The following LRCH1 variants were observed in gnomAD, a reference collection of about 807,000 sequenced individuals.
LRCH1 encodes leucine-rich repeat and calponin homology domain-containing protein 1.
LRCH1 carries 23 observed loss-of-function variants against 94.9 expected under a neutral mutation model. That is an observed-to-expected ratio of 0.24 (90% confidence interval 0.17 to 0.34). The LOEUF is 0.34. Among genes scored for constraint, LRCH1 ranks in the 10% least tolerant of loss-of-function variants. The pLI is 1.00. For missense variants in LRCH1, 790 were observed against 945.9 expected (o/e 0.84, Z 2.16); for synonymous variants, 364 against 354.9 (o/e 1.03, Z -0.29).
chr13:46,633,879 A>ATT (rs796924628), intron 1 of LRCH1, among the ~76,000 whole-genome samples: 26 of 122,650 alleles, frequency 2.1e-4, no homozygotes, highest in East Asian at 4.6e-4. Flanking sequence ...CTTTTCCTGC[A>ATT]TTTTTTTTTT....
At chr13:46,674,940 G>T (rs1390699256) in intron 3 of LRCH1, among the ~76,000 whole-genome samples, 2 of 152,120 alleles carry the variant, frequency 1.3e-5, no homozygotes, top group East Asian at 3.9e-4. Context: ...TCTCCTTGGA[G>T]TTCCCTGGTT....
At chr13:46,561,504 G>A (rs568458164) in intron 1 of LRCH1, among the ~76,000 whole-genome samples, 1 of 152,150 alleles carries the variant, frequency 6.6e-6, no homozygotes, top group Non-Finnish European at 1.5e-5. Flanking sequence ...TTTGACAGCT[G>A]ACCCCTGCAG....
chr13:46,736,118 C>CTGTGTGTGTGTGTGTG (rs3138585), intron 19 of LRCH1, among the ~76,000 whole-genome samples: 53 of 142,294 alleles, frequency 3.7e-4, no homozygotes, highest in African/African-American at 8.4e-4. Context: ...CAAATTTGCT[C>CTGTGTGTGTGTGTGTG]TGTGTGTGTG....
chr13:46,578,088 C>G (rs1308848143), intron 1 of LRCH1, among the ~76,000 whole-genome samples: 1 of 152,228 alleles, frequency 6.6e-6, no homozygotes, highest in African/African-American at 2.4e-5. Flanking sequence ...GTGGCACCTC[C>G]TCCCCCATCT....
chr13:46,669,236 G>A lies in LRCH1; in HGVS notation c.579+80G>A. The A allele has an allele frequency of 1.9e-6, 3 of 1,540,904 alleles. No individual in the cohort carries two copies. In the South Asian group the frequency reaches 3.6e-5, roughly 18 times the overall value. ...CTCAAGGTATTCAGAAAACCTTTTTGCTACGGTTGGACAAGGTAGAGCCTC... is the reference window on the plus strand; with the variant it reads ...CTCAAGGTATTCAGAAAACCTTTTTACTACGGTTGGACAAGGTAGAGCCTC... On this transcript the variant is annotated intron_variant, in intron 3 of 19. Coordinates refer to ENST00000389797, the MANE Select transcript of LRCH1 (RefSeq NM_001164211.2).
intron 1 of LRCH1, among the ~76,000 whole-genome samples, chr13:46,612,335 G>A (rs1594285234): frequency 6.6e-6 from 1 of 152,146 alleles, no homozygotes; most frequent in Non-Finnish European, 1.5e-5. Context: ...TATATATTTT[G>A]TATACACGGT....
intron 1 of LRCH1, among the ~76,000 whole-genome samples, chr13:46,612,631 A>G (rs2050760200): frequency 6.6e-6 from 1 of 152,040 alleles, no homozygotes; most frequent in South Asian, 2.1e-4. Flanking sequence ...TCTTCTTTGT[A>G]TTTTCTGGGG....
chr13:46,748,830 C>T (rs1295278668), downstream of LRCH1, among the ~76,000 whole-genome samples: 1 of 152,160 alleles, frequency 6.6e-6, no homozygotes, highest in Non-Finnish European at 1.5e-5. Flanking sequence ...TGACAGGGGG[C>T]CATCTCTTAA....
At chr13:46,585,038 T>G (rs1594263152) in intron 1 of LRCH1, among the ~76,000 whole-genome samples, 2 of 152,148 alleles carry the variant, frequency 1.3e-5, no homozygotes, top group East Asian at 3.8e-4. Context: ...AAAGGGAAAT[T>G]TATGGGGGTA....
chr13:46,669,978 T>C (rs1012340495), intron 3 of LRCH1, among the ~76,000 whole-genome samples: 1 of 152,202 alleles, frequency 6.6e-6, no homozygotes, highest in Non-Finnish European at 1.5e-5. Flanking sequence ...AGAACAATGA[T>C]GGCCAATAAG....
chr13:46,613,761 G>A (rs2050773659), intron 1 of LRCH1, among the ~76,000 whole-genome samples: 2 of 152,190 alleles, frequency 1.3e-5, no homozygotes, highest in Admixed American at 6.5e-5. Context: ...TACAACATAA[G>A]CAGGGTGACC....
At chr13:46,651,772 C>G in intron 2 of LRCH1, among the ~76,000 whole-genome samples, 1 of 149,844 alleles carries the variant, frequency 6.7e-6, no homozygotes, top group East Asian at 2.0e-4. Context: ...GCCATCTCAG[C>G]TCACTGCAAG....
chr13:46,716,434 T>C (rs1365425659), intron 16 of LRCH1, among the ~76,000 whole-genome samples: 1 of 152,196 alleles, frequency 6.6e-6, no homozygotes, highest in African/African-American at 2.4e-5. Flanking sequence ...CTCTGAAATA[T>C]TCAAATTTTA....
chr13:46,712,720 T>G lies in LRCH1; in HGVS notation c.1654+123T>G, dbSNP rs535866715. On this transcript the variant is annotated intron_variant, in intron 15 of 19. Transcript: ENST00000389797. ...GTTCTGCTGAGCCGAAATCCTGGCA[T>G]CTACAGCTAGGGGAGGCCAGAGTTT... The G allele has an allele frequency of 1.3e-5, 11 of 871,408 alleles. No individual in the cohort carries two copies. The East Asian group carries it at 2.7e-4, about 21-fold the overall frequency. 54.0% of individuals were successfully genotyped at this position (871,408 alleles called of 1,614,324 possible).
At chr13:46,563,635 G>T (rs764940003) in intron 1 of LRCH1, among the ~76,000 whole-genome samples, 54 of 152,216 alleles carry the variant, frequency 3.5e-4, no homozygotes, top group Non-Finnish European at 6.0e-4. Flanking sequence ...TGTATTAAAT[G>T]TATGTAATAG....
Position 46,560,492 on chromosome 13 carries a change from A to G in LRCH1, c.307+6789A>G, listed in dbSNP as rs534951814. ...GATTGTGTGAATTGTTAGAATTAAG[A>G]TAATTTGGTGTTAATTGCAGTGATT... On this transcript the variant is annotated intron_variant, in intron 1 of 19. Coordinates refer to ENST00000389797, the MANE Select transcript of LRCH1 (RefSeq NM_001164211.2). 3.8e-3 allele frequency among the ~76,000 whole-genome samples: 582 copies of G among 152,318 alleles called. 4 individuals carry two copies. Among genetic ancestry groups the G allele is most frequent in the South Asian group, 0.026 (124 of 4,822 alleles).
In LRCH1 at chr13:46,695,141, C is replaced by T. The variant is rs796313130; in HGVS notation, c.1245+124C>T. 23 of 1,165,516 alleles carry T rather than the reference C, an allele frequency of 2.0e-5. No individual in the cohort carries two copies. In the African/African-American group the frequency reaches 2.2e-4, roughly 11 times the overall value. 72.2% of individuals were successfully genotyped at this position (1,165,516 alleles called of 1,614,324 possible). ...CCAGCTTGCTGCACCCTCCCTGAAG[C>T]GTTCCAAACATCTCAGCGCTCAGCG... On this transcript the variant is annotated intron_variant, in intron 9 of 19. Transcript: ENST00000389797.
chr13:46,730,443 C>T (rs1332531187), intron 18 of LRCH1, among the ~76,000 whole-genome samples: 2 of 152,116 alleles, frequency 1.3e-5, no homozygotes, highest in Admixed American at 6.5e-5. Context: ...GAAGCTCCTC[C>T]GCCCTCTCCC....
chr13:46,728,651 C>T (rs1328659478), intron 17 of LRCH1, among the ~76,000 whole-genome samples, 196 bp from the exon 18 acceptor site: 1 of 152,158 alleles, frequency 6.6e-6, no homozygotes, highest in Non-Finnish European at 1.5e-5. Context: ...TTTACACTCA[C>T]CTAAATTTGT....
Sources: gnomAD v4.1 joint callset for allele counts (sites outside exome capture counted in the v4.1 genomes callset) on GRCh38, gnomAD v4.1.1 for gene constraint, MANE v1.5 for transcripts, NCBI Gene and HGNC (gene_info 2026-07-23, HGNC 2026-07-21) for gene names.